Variants in PNLIP observed in about 807,000 individuals in gnomAD.
PNLIP encodes pancreatic triacylglycerol lipase.
A neutral mutation model predicts 57.1 loss-of-function variants in PNLIP; 49 were observed. That is an observed-to-expected ratio of 0.86 (90% confidence interval 0.68 to 1.09). The LOEUF (loss-of-function observed/expected upper bound fraction) is 1.09. Ranked by LOEUF, PNLIP falls within the 50% of genes least tolerant of loss-of-function variation. PNLIP has a pLI of 0.00. For synonymous variants in PNLIP, 209 were observed against 200.4 expected, an observed-to-expected ratio of 1.04 and a Z score of -0.36; for missense variants, 503 against 570.2, an observed-to-expected ratio of 0.88 and a Z score of 1.20.
chr10:116,555,694 G>A (rs1045501050), intron 8 of PNLIP, among the ~76,000 whole-genome samples, 187 bp downstream of exon 8: 1 of 152,190 alleles, frequency 6.6e-6, no homozygotes. Context: ...GAAAGAAAGC[G>A]TATTTTCAGT....
rs1279139250 is a variant in PNLIP, at chr10:116,548,418, C to T, written c.260C>T (p.Thr87Ile). The T allele has an allele frequency of 1.9e-6, 3 of 1,613,950 alleles. No homozygotes were observed. Among genetic ancestry groups the T allele is most frequent in the Admixed American group, 1.7e-5 (1 of 59,990 alleles). Residue 87 changes from threonine (T) to isoleucine (I), a missense_variant, in exon 4 of 13, where the codon ACT becomes ATT. Physicochemically the swap from Thr to Ile is moderately conservative, Grantham distance 89. Coordinates refer to ENST00000369221, the MANE Select transcript of PNLIP (RefSeq NM_000936.4). The stretch of plus-strand genomic sequence containing the variant: ...TCCAATTTCAAAACAAATAGAAAAA[C>T]TCGCTTTATTATTCATGGATTCATA... Reference protein sequence around the residue: ...SGSNFKTNRKTRFIIHGFIDK... With the variant: ...SGSNFKTNRKIRFIIHGFIDK...
chr10:116,555,336 G>A (rs1847241409), intron 7 of PNLIP, 39 bp downstream of exon 7: 1 of 1,614,108 alleles, frequency 6.2e-7, no homozygotes, highest in Non-Finnish European at 8.5e-7. Context: ...GTGTTATAGT[G>A]TCTGAGTCTA....
At chr10:116,546,059 A>G (rs1345460115) in intron 1 of PNLIP, 34 bp from the exon 2 acceptor site, 2 of 1,606,506 alleles carry the variant, frequency 1.2e-6, no homozygotes, top group African/African-American at 2.7e-5. Context: ...TTAAAAACTT[A>G]GCCAGACTCA....
At chr10:116,549,424 A>G (rs539202052) in intron 4 of PNLIP, among the ~76,000 whole-genome samples, 2 of 152,220 alleles carry the variant, frequency 1.3e-5, no homozygotes, top group South Asian at 4.1e-4. Context: ...GGTTGCAGTG[A>G]GCCAAGATCG....
chr10:116,564,046 GA>G (rs1265404077), intron 12 of PNLIP, among the ~76,000 whole-genome samples: 1 of 152,048 alleles, frequency 6.6e-6, no homozygotes, highest in Non-Finnish European at 1.5e-5. Context: ...CAAACATGGT[GA>G]AAACTATAAA....
At chr10:116,560,379 C>T in intron 10 of PNLIP, 37 bp from the exon 11 acceptor site, 1 of 1,082,786 alleles carries the variant, frequency 9.2e-7, no homozygotes, top group South Asian at 1.4e-5. Flanking sequence ...TGTCTTTTAT[C>T]TCCAAACTGA....
chr10:116,562,047 C>T (rs1386063152), intron 12 of PNLIP, among the ~76,000 whole-genome samples: 1 of 152,214 alleles, frequency 6.6e-6, no homozygotes, highest in Non-Finnish European at 1.5e-5. Flanking sequence ...TTCCAAATCA[C>T]TGGTCTTCTT....
chr10:116,561,690 C>T (rs1847317362), intron 12 of PNLIP, 54 bp downstream of exon 12: 3 of 1,472,914 alleles, frequency 2.0e-6, no homozygotes, highest in Non-Finnish European at 2.8e-6. Flanking sequence ...GTTTATAGTT[C>T]TATTCCCACT....
intron 6 of PNLIP, among the ~76,000 whole-genome samples, chr10:116,554,629 T>C (rs764803751): frequency 6.6e-6 from 1 of 152,232 alleles, no homozygotes; most frequent in Non-Finnish European, 1.5e-5. Context: ...TTCAACCTTT[T>C]TGTCTCTGAC....
At chr10:116,565,665 G>A (rs1847358903) in intron 12 of PNLIP, among the ~76,000 whole-genome samples, 1 of 151,814 alleles carries the variant, frequency 6.6e-6, no homozygotes, top group Non-Finnish European at 1.5e-5. Context: ...TCACCATGTT[G>A]GTCAGGCTAG....
At chr10:116,551,813 A>G (rs1013537928) in intron 5 of PNLIP, among the ~76,000 whole-genome samples, 5 of 152,194 alleles carry the variant, frequency 3.3e-5, no homozygotes, top group African/African-American at 1.2e-4. Flanking sequence ...ATTTTTCATT[A>G]TAACTATTTT....
intron 10 of PNLIP, 54 bp downstream of exon 10, chr10:116,559,337 A>C (rs1847289965): frequency 1.5e-6 from 2 of 1,348,418 alleles, no homozygotes; most frequent in Admixed American, 3.8e-5. Context: ...TTTTATTATT[A>C]TGTCCACTGA....
At chr10:116,560,106 T>C (rs1164831881) in intron 10 of PNLIP, among the ~76,000 whole-genome samples, 1 of 152,034 alleles carries the variant, frequency 6.6e-6, no homozygotes, top group Non-Finnish European at 1.5e-5. Context: ...CTTATAACTT[T>C]CAAGGATAAA....
At chr10:116,557,445 T>C (rs1298380206) in intron 9 of PNLIP, among the ~76,000 whole-genome samples, 1 of 152,156 alleles carries the variant, frequency 6.6e-6, no homozygotes, top group East Asian at 1.9e-4. Flanking sequence ...AGGAAATGAA[T>C]TGGGAGTCCA....
At chr10:116,548,322 A>G (rs763675017) in intron 3 of PNLIP, 38 bp from the exon 4 acceptor site, 3 of 1,608,876 alleles carry the variant, frequency 1.9e-6, no homozygotes, top group Non-Finnish European at 2.5e-6. Context: ...ATTGGCTACT[A>G]TAGGAAACTG....
At chr10:116,553,927 C>T (rs113389110) in intron 6 of PNLIP, 89 bp downstream of exon 6, 44 of 636,094 alleles carry the variant, frequency 6.9e-5, no homozygotes, top group African/African-American at 2.9e-4. Context: ...GGCAACATAG[C>T]GAGACTCCTA....
At chr10:116,567,330 A>C (rs1282153494) in intron 12 of PNLIP, among the ~76,000 whole-genome samples, 1 of 152,042 alleles carries the variant, frequency 6.6e-6, no homozygotes. Flanking sequence ...TTGTCATTTC[A>C]GTTCAAATAT....
intron 4 of PNLIP, among the ~76,000 whole-genome samples, chr10:116,550,053 C>CTTTTTTT (rs1176488381): frequency 2.5e-4 from 25 of 98,884 alleles, no homozygotes; most frequent in Non-Finnish European, 3.7e-4. Context: ...TTCTCAAATT[C>CTTTTTTT]TTTTTTTTTT....
At chr10:116,552,538 G>C (rs1010817403) in intron 5 of PNLIP, among the ~76,000 whole-genome samples, 3 of 152,070 alleles carry the variant, frequency 2.0e-5, no homozygotes, top group Non-Finnish European at 4.4e-5. Context: ...TTTGATACAG[G>C]GATACAGAGT....
Sources: allele counts gnomAD v4.1 joint callset (sites outside exome capture counted in the v4.1 genomes callset), GRCh38; gene constraint gnomAD v4.1.1; transcripts MANE v1.5; gene names NCBI Gene and HGNC (gene_info 2026-07-23, HGNC 2026-07-21).